The following ADD2 variants were observed in gnomAD, a reference collection of about 807,000 sequenced individuals.
ADD2 encodes adducin 2, also known as beta-adducin.
In ADD2, 23 loss-of-function variants were observed where a neutral mutation model predicts 83.0. That is an observed-to-expected ratio of 0.28 (90% CI 0.20 to 0.39). ADD2 has a LOEUF of 0.39. ADD2 is among the 10% of genes least tolerant of loss of function. ADD2 has a pLI of 1.00. For synonymous variants in ADD2, 375 were observed against 375.4 expected (o/e 1.00, Z 0.01); for missense variants, 758 against 944.9 (o/e 0.80, Z 2.59).
intron 1 of ADD2, among the ~76,000 whole-genome samples, chr2:70,759,880 G>A (rs369619738): frequency 2.5e-4 from 38 of 152,200 alleles, no homozygotes; most frequent in African/African-American, 7.5e-4. Flanking sequence ...GATTTCCCAC[G>A]GCCCTTAGAT....
chr2:70,707,345 A>T lies in ADD2; in HGVS notation c.-34-903T>A, dbSNP rs529572973. On this transcript the variant is annotated intron_variant, in intron 2 of 15. Coordinates refer to ENST00000264436, the MANE Select transcript of ADD2 (RefSeq NM_001617.4). The stretch of plus-strand genomic sequence containing the variant: ...GGGTGCCATGCTGCCCGGCTGCCAG[A>T]GCCCCACGTGCTGCGTGTAAACCTG... Among the ~76,000 whole-genome samples, 4 of 152,380 alleles carry T rather than the reference A, an allele frequency of 2.6e-5. No homozygotes were observed. The South Asian group carries it at 8.3e-4, about 32-fold the overall frequency.
At chr2:70,743,938 C>T (rs1383236142) in intron 1 of ADD2, among the ~76,000 whole-genome samples, 6 of 152,310 alleles carry the variant, frequency 3.9e-5, no homozygotes, top group Admixed American at 2.6e-4. Flanking sequence ...CAGCCATTTA[C>T]TCATTTGTTC....
chr2:70,723,372 C>G (rs1672827127), intron 1 of ADD2, among the ~76,000 whole-genome samples: 1 of 149,316 alleles, frequency 6.7e-6, no homozygotes, highest in Non-Finnish European at 1.5e-5. Context: ...CATATGGATT[C>G]TTAACATTAC....
chr2:70,680,654 C>T (rs1670409575), intron 10 of ADD2, among the ~76,000 whole-genome samples: 1 of 152,132 alleles, frequency 6.6e-6, no homozygotes, highest in South Asian at 2.1e-4. Flanking sequence ...TCTTCACTGA[C>T]TTCAGGTTTT....
intron 10 of ADD2, among the ~76,000 whole-genome samples, chr2:70,680,289 T>C (rs1484659068): frequency 6.6e-6 from 1 of 152,186 alleles, no homozygotes; most frequent in African/African-American, 2.4e-5. Context: ...AGTCTATCTT[T>C]CCCTCACTGA....
At chr2:70,711,706 C>G (rs147637615) in intron 2 of ADD2, among the ~76,000 whole-genome samples, 21 of 152,316 alleles carry the variant, frequency 1.4e-4, no homozygotes, top group African/African-American at 5.1e-4. Flanking sequence ...GTGCGCCCCA[C>G]CTTACACTCT....
chr2:70,719,772 C>T (rs1672641529), intron 1 of ADD2, among the ~76,000 whole-genome samples: 1 of 152,214 alleles, frequency 6.6e-6, no homozygotes, highest in Non-Finnish European at 1.5e-5. Context: ...CCTTGCCTGC[C>T]TTTGGCCTTC....
Position 70,688,006 on chromosome 2 carries a change from C to A in ADD2, c.948+18G>T, listed in dbSNP as rs1670828326. The stretch of plus-strand genomic sequence containing the variant: ...CAGAGCCCACTCCTGGGCCCACTTT[C>A]CAGGAGAATTTGCTCACCTGTATCT... On this transcript the variant is annotated intron_variant, in intron 9 of 15. Coordinates refer to ENST00000264436, the MANE Select transcript of ADD2 (RefSeq NM_001617.4). 1 of 1,608,820 alleles carries A rather than the reference C, an allele frequency of 6.2e-7. No individual in the cohort carries two copies. The highest frequency in any genetic ancestry group is 8.5e-7 in the Non-Finnish European group (1 of 1,175,400).
intron 1 of ADD2, among the ~76,000 whole-genome samples, chr2:70,756,390 G>A (rs1334040118): frequency 6.6e-6 from 1 of 152,128 alleles, no homozygotes; most frequent in African/African-American, 2.4e-5. Flanking sequence ...GGTCACTTAC[G>A]GAGCCCCAGA....
chr2:70,725,881 T>C (rs1672967685), intron 1 of ADD2, among the ~76,000 whole-genome samples: 2 of 152,212 alleles, frequency 1.3e-5, no homozygotes, highest in South Asian at 4.1e-4. Flanking sequence ...AGGCCCCCAA[T>C]GATGCCAGTG....
At chr2:70,753,965 G>T (rs1002288777) in intron 1 of ADD2, among the ~76,000 whole-genome samples, 5 of 152,128 alleles carry the variant, frequency 3.3e-5, no homozygotes, top group African/African-American at 9.7e-5. Context: ...GCAGAACAAG[G>T]CTAGACAAGG....
chr2:70,699,948 C>T (rs1251866635), intron 4 of ADD2, among the ~76,000 whole-genome samples: 1 of 152,098 alleles, frequency 6.6e-6, no homozygotes, highest in Non-Finnish European at 1.5e-5. Context: ...TACAAAGAAG[C>T]TATTTAATAG....
chr2:70,693,257 G>T (rs1294694977), intron 6 of ADD2, among the ~76,000 whole-genome samples: 1 of 152,022 alleles, frequency 6.6e-6, no homozygotes, highest in Non-Finnish European at 1.5e-5. Context: ...CTCCCAGTAC[G>T]CTCTCACTGA....
chr2:70,664,966 G>C (rs1420014236), intron 15 of ADD2, among the ~76,000 whole-genome samples: 1 of 146,032 alleles, frequency 6.8e-6, no homozygotes, highest in Non-Finnish European at 1.5e-5. Flanking sequence ...ATGAGCATAT[G>C]CGAGGGTGTG....
intron 9 of ADD2, among the ~76,000 whole-genome samples, chr2:70,686,823 C>T (rs1670750372): frequency 6.6e-6 from 1 of 152,178 alleles, no homozygotes; most frequent in Non-Finnish European, 1.5e-5. Flanking sequence ...ACCACTGCCT[C>T]TAATACTTCA....
intron 15 of ADD2, among the ~76,000 whole-genome samples, chr2:70,664,159 A>G (rs1675658891): frequency 6.6e-6 from 1 of 152,230 alleles, no homozygotes; most frequent in African/African-American, 2.4e-5. Flanking sequence ...AAAAACATGG[A>G]AATTACATGT....
chr2:70,747,430 CAT>C (rs1674273118), intron 1 of ADD2, among the ~76,000 whole-genome samples: 1 of 83,010 alleles, frequency 1.2e-5, no homozygotes, highest in African/African-American at 4.9e-5. Flanking sequence ...GCTCTCCCAT[CAT>C]GCCATGTGCT....
chr2:70,663,674 C>A lies in ADD2; in HGVS notation c.1932G>T (p.Pro644=). The A allele has an allele frequency of 6.2e-7, 1 of 1,614,094 alleles. No homozygotes were observed. The highest frequency in any genetic ancestry group is 1.1e-5 in the South Asian group (1 of 91,060). The change falls in exon 16 of 16, where the codon CCG becomes CCT. Residue 644 remains proline, a synonymous_variant. Transcript: ENST00000264436. ...CCCTCCCGTTGACCACCACCCCTTCCGGCTGGGTTGTTTCGGGCTCTGTGG... is the reference window on the plus strand; with the variant it reads ...CCCTCCCGTTGACCACCACCCCTTCAGGCTGGGTTGTTTCGGGCTCTGTGG... ...AATTEPETTQ[P]EGVVVNGREE...
intron 10 of ADD2, among the ~76,000 whole-genome samples, chr2:70,682,607 C>T (rs1553369763): frequency 6.6e-6 from 1 of 152,194 alleles, no homozygotes; most frequent in East Asian, 1.9e-4. Flanking sequence ...TTTCATCTTT[C>T]ACTTCTCTGA....
Sources: gnomAD v4.1 joint callset for allele counts (sites outside exome capture counted in the v4.1 genomes callset) on GRCh38, gnomAD v4.1.1 for gene constraint, MANE v1.5 for transcripts, NCBI Gene and HGNC (gene_info 2026-07-23, HGNC 2026-07-21) for gene names.